Variants in GPC6 observed in about 807,000 individuals in gnomAD.
GPC6 encodes the protein glypican-6.
A neutral mutation model predicts 55.2 loss-of-function variants in GPC6; 14 were observed. That is an observed-to-expected ratio of 0.25 (90% CI 0.17 to 0.40). The LOEUF is 0.40. GPC6 is among the 10% of genes least tolerant of loss of function. GPC6 has a pLI of 1.00. For missense variants in GPC6, 641 were observed against 708.5 expected (o/e 0.90, Z 1.08); for synonymous variants, 278 against 259.6 (o/e 1.07, Z -0.68).
At chr13:93,683,247 C>A (rs1314305008) in intron 2 of GPC6, among the ~76,000 whole-genome samples, 1 of 148,972 alleles carries the variant, frequency 6.7e-6, no homozygotes, top group Non-Finnish European at 1.5e-5. Context: ...TGTTAAGTAA[C>A]TATAGGAAAT....
At position 93,995,262 on chromosome 13, in the gene GPC6, A is replaced by G. The variant is rs1465236294; in HGVS notation, c.712-32467A>G. 2.0e-5 allele frequency among the ~76,000 whole-genome samples: 3 copies of G among 151,968 alleles called. No individual in the cohort carries two copies. The East Asian group carries it at 5.8e-4, about 29-fold the overall frequency. On this transcript the variant is annotated intron_variant, in intron 3 of 8. Transcript: ENST00000377047. ...GAGTGCAGTGGCACAACCTCAGCTC[A>G]GTACAACTTCTGCCTCCTGGGTTCA...
intron 4 of GPC6, among the ~76,000 whole-genome samples, chr13:94,162,700 T>G (rs926382521): frequency 6.6e-6 from 1 of 152,186 alleles, no homozygotes; most frequent in Non-Finnish European, 1.5e-5. Context: ...TTTAGGAATT[T>G]GGGTCAAATT....
At chr13:93,876,186 ATATAATAAATG>A (rs1889288694) in intron 3 of GPC6, among the ~76,000 whole-genome samples, 1 of 100,904 alleles carries the variant, frequency 9.9e-6, no homozygotes, top group Non-Finnish European at 2.7e-5. Context: ...GCATTGCTTC[ATATAATAAATG>A]CTTCATATAA....
Position 93,401,695 on chromosome 13 carries a change from T to C in GPC6, c.161-143568T>C, listed in dbSNP as rs1288129015. 2.3e-3 allele frequency among the ~76,000 whole-genome samples: 342 copies of C among 148,792 alleles called. 1 individual carries two copies. The highest frequency in any genetic ancestry group is 4.2e-3 in the Non-Finnish European group (281 of 67,066). ...TGTCTTCTTCATGAATGGACTTTTT[T>C]TTTTTTTTTTTTTTTTTAATGAGAG... On this transcript the variant is annotated intron_variant, in intron 1 of 8. Coordinates refer to ENST00000377047, the MANE Select transcript of GPC6 (RefSeq NM_005708.5).
intron 3 of GPC6, among the ~76,000 whole-genome samples, chr13:93,861,072 C>T (rs543013097): frequency 2.6e-5 from 4 of 151,354 alleles, no homozygotes; most frequent in Admixed American, 6.6e-5. Flanking sequence ...CTTACAGGAT[C>T]GTTTTGAGGA....
intron 6 of GPC6, among the ~76,000 whole-genome samples, chr13:94,368,900 GATT>G (rs906476700): frequency 6.6e-6 from 1 of 152,162 alleles, no homozygotes; most frequent in African/African-American, 2.4e-5. Context: ...TCCAAAACTG[GATT>G]ATATTAAATT....
intron 4 of GPC6, among the ~76,000 whole-genome samples, chr13:94,271,376 G>GCACA (rs1231861418): frequency 8.9e-6 from 1 of 112,280 alleles, no homozygotes; most frequent in Admixed American, 7.8e-5. Flanking sequence ...ACGCGCGCGC[G>GCACA]CGCGCGCACA....
chr13:93,245,354 T>C (rs1876563885), intron 1 of GPC6, among the ~76,000 whole-genome samples: 1 of 152,200 alleles, frequency 6.6e-6, no homozygotes, highest in Non-Finnish European at 1.5e-5. Context: ...TCTTCTCTCC[T>C]TCCTTCCTTC....
At position 94,049,308 on chromosome 13, in the gene GPC6, C is replaced by T. The variant is rs889195934; in HGVS notation, c.877+21414C>T. Among the ~76,000 whole-genome samples the T allele has an allele frequency of 4.0e-5, 6 of 151,698 alleles. No homozygotes were observed. The East Asian group carries it at 5.9e-4, about 15-fold the overall frequency. On this transcript the variant is annotated intron_variant, in intron 4 of 8. Coordinates refer to ENST00000377047, the MANE Select transcript of GPC6 (RefSeq NM_005708.5). Reference sequence around the variant, plus strand: ...CACTATCTCCTCCCTCCTCCCCAACCCCCCACTGATCCTAGCAGTGTTCTC... The same window carrying T: ...CACTATCTCCTCCCTCCTCCCCAACTCCCCACTGATCCTAGCAGTGTTCTC...
Position 93,633,651 on chromosome 13 carries a change from TA to T in GPC6, c.319+88233del, listed in dbSNP as rs1264406672. On this transcript the variant is annotated intron_variant, in intron 2 of 8. Transcript: ENST00000377047. ...ACTCTGTCTCAAATAAATAAATAAA[TA>T]AATAAATAAATAAATAAATAAATAA... 9.4e-5 allele frequency among the ~76,000 whole-genome samples: 14 copies of T among 149,218 alleles called. 1 individual carries two copies. In the East Asian group the frequency reaches 2.6e-3, roughly 27 times the overall value.
Position 93,256,342 on chromosome 13 carries a change from T to A in GPC6, c.160+28726T>A, listed in dbSNP as rs552074008. On this transcript the variant is annotated intron_variant, in intron 1 of 8. Transcript: ENST00000377047. ...TATGGACAAGAGAGATCGTCATTTT[T>A]TTTTTCCTTAAAATGCGTTTAGTAG... Among the ~76,000 whole-genome samples, 89 of 152,254 alleles carry A rather than the reference T, an allele frequency of 5.8e-4. 1 individual carries two copies. In the Middle Eastern group the frequency reaches 0.014, roughly 23 times the overall value.
At chr13:93,913,007 A>T (rs1403723747) in intron 3 of GPC6, among the ~76,000 whole-genome samples, 1 of 151,982 alleles carries the variant, frequency 6.6e-6, no homozygotes, top group Non-Finnish European at 1.5e-5. Context: ...GACACCAGTT[A>T]TTGTATTTAG....
chr13:93,915,514 T>C (rs985520226), intron 3 of GPC6, among the ~76,000 whole-genome samples: 1 of 152,170 alleles, frequency 6.6e-6, no homozygotes, highest in Non-Finnish European at 1.5e-5. Context: ...AACAGTGCAA[T>C]GAAACTCATT....
chr13:93,944,182 A>G (rs1364100036), intron 3 of GPC6, among the ~76,000 whole-genome samples: 1 of 32,078 alleles, frequency 3.1e-5, no homozygotes, highest in African/African-American at 1.3e-4. Context: ...TTATTTATTT[A>G]TTTATTTATT....
chr13:93,495,808 TGGG>T (rs1566387882), intron 1 of GPC6, among the ~76,000 whole-genome samples: 1 of 146,530 alleles, frequency 6.8e-6, no homozygotes, highest in South Asian at 2.3e-4. Flanking sequence ...GTGCCCCTGC[TGGG>T]GGGTGTCTCC....
chr13:93,291,712 T>C (rs1184338125), intron 1 of GPC6, among the ~76,000 whole-genome samples: 1 of 152,118 alleles, frequency 6.6e-6, no homozygotes, highest in Non-Finnish European at 1.5e-5. Flanking sequence ...ATATTAAAAA[T>C]GAACTAATGT....
At chr13:93,407,840 A>T (rs1412606301) in intron 1 of GPC6, among the ~76,000 whole-genome samples, 2 of 152,176 alleles carry the variant, frequency 1.3e-5, no homozygotes. Context: ...GGTTTATATC[A>T]TATGGCTGTG....
At chr13:93,510,277 G>GT (rs763960360) in intron 1 of GPC6, among the ~76,000 whole-genome samples, 88 of 152,134 alleles carry the variant, frequency 5.8e-4, no homozygotes, top group Non-Finnish European at 1.1e-3. Flanking sequence ...CTAACTATAT[G>GT]TTTGTATCCT....
chr13:93,431,351 G>T (rs1248045184), intron 1 of GPC6, among the ~76,000 whole-genome samples: 2 of 151,998 alleles, frequency 1.3e-5, no homozygotes, highest in South Asian at 2.1e-4. Context: ...TAGAAAATGT[G>T]GGGGAAACAT....
Sources: gnomAD v4.1 joint callset for allele counts (sites outside exome capture counted in the v4.1 genomes callset) on GRCh38, gnomAD v4.1.1 for gene constraint, MANE v1.5 for transcripts, NCBI Gene and HGNC (gene_info 2026-07-23, HGNC 2026-07-21) for gene names.